AKAP6: variants seen among roughly 807,000 people sequenced by gnomAD.
The protein encoded by AKAP6 is A-kinase anchoring protein 6, also known as A-kinase anchor protein 6.
In AKAP6, 58 loss-of-function variants were observed where a neutral mutation model predicts 188.5. That is an observed-to-expected ratio of 0.31 (90% CI 0.25 to 0.38). AKAP6 has a LOEUF of 0.38. AKAP6 is among the 10% of genes least tolerant of loss of function. The pLI is 1.00. For missense variants in AKAP6, 2,710 were observed against 2,740.0 expected (o/e 0.99, Z 0.24); for synonymous variants, 989 against 998.6 (o/e 0.99, Z 0.18).
chr14:32,337,118 G>C (rs1368103341), intron 1 of AKAP6, among the ~76,000 whole-genome samples: 1 of 152,142 alleles, frequency 6.6e-6, no homozygotes, highest in Non-Finnish European at 1.5e-5. Flanking sequence ...CCTATATGGA[G>C]AATCAACTAG....
At chr14:32,594,727 T>A (rs1313716701) in intron 5 of AKAP6, among the ~76,000 whole-genome samples, 1 of 152,236 alleles carries the variant, frequency 6.6e-6, no homozygotes, top group Non-Finnish European at 1.5e-5. Flanking sequence ...TTGGCTTTTC[T>A]GACTGAACAC....
At chr14:32,337,323 T>C (rs904073622) in intron 1 of AKAP6, among the ~76,000 whole-genome samples, 1 of 152,118 alleles carries the variant, frequency 6.6e-6, no homozygotes, top group African/African-American at 2.4e-5. Flanking sequence ...AACTGAAGGA[T>C]GCACATTTCT....
At chr14:32,826,161 G>A (rs1456200164) in intron 13 of AKAP6, among the ~76,000 whole-genome samples, 1 of 150,862 alleles carries the variant, frequency 6.6e-6, no homozygotes, top group Admixed American at 6.6e-5. Context: ...GCTAGAAATG[G>A]GGACTAAGGG....
chr14:32,637,083 C>A (rs760192779), intron 7 of AKAP6, among the ~76,000 whole-genome samples: 4 of 152,026 alleles, frequency 2.6e-5, no homozygotes, highest in African/African-American at 4.8e-5. Flanking sequence ...TTTATAATTT[C>A]CGTATCTGTA....
intron 12 of AKAP6, among the ~76,000 whole-genome samples, chr14:32,806,521 A>C (rs1293351950): frequency 1.3e-5 from 2 of 152,110 alleles, no homozygotes; most frequent in African/African-American, 4.8e-5. Flanking sequence ...TACTAAAAAT[A>C]CAAAAATTAA....
intron 2 of AKAP6, 81 bp downstream of exon 2, chr14:32,433,898 A>G (rs1890299717): frequency 2.2e-6 from 3 of 1,357,288 alleles, no homozygotes; most frequent in Non-Finnish European, 3.0e-6. Flanking sequence ...TGTAATTTCC[A>G]GTGAGGAATT....
intron 1 of AKAP6, among the ~76,000 whole-genome samples, chr14:32,355,100 G>C (rs543324729): frequency 6.6e-6 from 1 of 152,272 alleles, no homozygotes; most frequent in African/African-American, 2.4e-5. Context: ...TTTCCTTGGA[G>C]TCTGTGATCT....
At chr14:32,607,203 G>A (rs534506905) in intron 7 of AKAP6, among the ~76,000 whole-genome samples, 28 of 152,330 alleles carry the variant, frequency 1.8e-4, no homozygotes, top group African/African-American at 5.5e-4. Flanking sequence ...GCATTGGTGA[G>A]ACAAAGTATT....
intron 1 of AKAP6, among the ~76,000 whole-genome samples, chr14:32,411,155 A>G (rs1312502061): frequency 6.6e-6 from 1 of 152,094 alleles, no homozygotes; most frequent in Non-Finnish European, 1.5e-5. Flanking sequence ...TCTAATGAGT[A>G]GAGGCCACAG....
chr14:32,560,827 T>A (rs1241773561), intron 4 of AKAP6, among the ~76,000 whole-genome samples: 2 of 152,210 alleles, frequency 1.3e-5, no homozygotes, highest in African/African-American at 2.4e-5. Flanking sequence ...GCTGGTAGGA[T>A]GTTTCAGAAA....
chr14:32,584,031 C>G (rs1285864012), intron 5 of AKAP6, among the ~76,000 whole-genome samples: 1 of 152,192 alleles, frequency 6.6e-6, no homozygotes, highest in Non-Finnish European at 1.5e-5. Context: ...GAACCCGGTG[C>G]CTCAGATGGA....
At chr14:32,499,701 A>G (rs1392577569) in intron 2 of AKAP6, among the ~76,000 whole-genome samples, 1 of 151,718 alleles carries the variant, frequency 6.6e-6, no homozygotes, top group East Asian at 1.9e-4. Context: ...TATTAATCTT[A>G]TCATTGGTAT....
intron 7 of AKAP6, among the ~76,000 whole-genome samples, chr14:32,645,886 A>G (rs1250750245): frequency 6.6e-6 from 1 of 152,160 alleles, no homozygotes; most frequent in East Asian, 1.9e-4. Flanking sequence ...TTTTAATTTG[A>G]TCCACATTTA....
At chr14:32,660,924 A>ACCCCCCCCCCCCCCCCCC (rs1240351554) in intron 7 of AKAP6, among the ~76,000 whole-genome samples, 2 of 41,068 alleles carry the variant, frequency 4.9e-5, no homozygotes, top group Non-Finnish European at 8.6e-5. Flanking sequence ...CTTCCCCGCC[A>ACCCCCCCCCCCCCCCCCC]CCCCCCCCCC....
At chr14:32,353,520 C>T (rs1224786866) in intron 1 of AKAP6, among the ~76,000 whole-genome samples, 3 of 152,204 alleles carry the variant, frequency 2.0e-5, no homozygotes, top group Non-Finnish European at 4.4e-5. Context: ...GAGATCGTGC[C>T]ACTGCACTCT....
In AKAP6 at chr14:32,433,560, G is replaced by A. The variant is rs769818741; in HGVS notation, c.67G>A (p.Ala23Thr). The A allele has an allele frequency of 3.7e-6, 6 of 1,614,152 alleles. No homozygotes were observed. In the Admixed American group the frequency reaches 1.0e-4, roughly 27 times the overall value. The stretch of plus-strand genomic sequence containing the variant: ...GGACCTGGATCCCATGGCTACTGAT[G>A]CTTCACCCATGGCCATCAACATGAC... ...SQDLDPMATD[A>T]SPMAINMTPT... Residue 23 changes from alanine (A) to threonine (T), a missense_variant, in exon 2 of 14, where the codon GCT becomes ACT. Ala to Thr is a moderately conservative substitution (Grantham distance 58). Around this residue, in one of 2 missense-constraint regions of AKAP6, gnomAD observed 237 missense variants for 313.9 expected, o/e 0.76. Coordinates refer to ENST00000280979, the MANE Select transcript of AKAP6 (RefSeq NM_004274.5).
intron 4 of AKAP6, among the ~76,000 whole-genome samples, chr14:32,555,091 C>T (rs1227514945): frequency 6.6e-6 from 1 of 152,152 alleles, no homozygotes; most frequent in Non-Finnish European, 1.5e-5. Context: ...CAAACTTCTT[C>T]GGTGCCAGCT....
At chr14:32,585,270 A>G (rs1195631303) in intron 5 of AKAP6, among the ~76,000 whole-genome samples, 1 of 152,212 alleles carries the variant, frequency 6.6e-6, no homozygotes, top group Non-Finnish European at 1.5e-5. Context: ...AGTAAGAATA[A>G]GTGAAGTCAA....
At chr14:32,363,715 T>C in intron 1 of AKAP6, among the ~76,000 whole-genome samples, 1 of 152,216 alleles carries the variant, frequency 6.6e-6, no homozygotes, top group Admixed American at 6.5e-5. Context: ...CCACCCAAAC[T>C]GAGGGTGGGT....
Sources: allele counts gnomAD v4.1 joint callset (sites outside exome capture counted in the v4.1 genomes callset), GRCh38; gene constraint gnomAD v4.1.1; regional missense constraint gnomAD v4.1.1; transcripts MANE v1.5; gene names NCBI Gene and HGNC (gene_info 2026-07-23, HGNC 2026-07-21).